The following MAGI2 variants were observed in gnomAD, a reference collection of about 807,000 sequenced individuals.
MAGI2 encodes the protein membrane associated guanylate kinase, WW and PDZ domain containing 2, also known as membrane-associated guanylate kinase, WW and PDZ domain-containing protein 2.
A neutral mutation model predicts 133.3 loss-of-function variants in MAGI2; 35 were observed. That is an observed-to-expected ratio of 0.26 (90% CI 0.20 to 0.35). The LOEUF is 0.35. Among genes scored for constraint, MAGI2 ranks in the 10% least tolerant of loss-of-function variants. The pLI is 1.00. For synonymous variants in MAGI2, 729 were observed against 710.6 expected, an observed-to-expected ratio of 1.03 and a Z score of -0.41; for missense variants, 1,636 against 1,863.4, an observed-to-expected ratio of 0.88 and a Z score of 2.25.
chr7:79,160,791 A>G (rs1459432574), intron 1 of MAGI2, among the ~76,000 whole-genome samples: 1 of 152,066 alleles, frequency 6.6e-6, no homozygotes, highest in Non-Finnish European at 1.5e-5. Flanking sequence ...TGCAAGCCAT[A>G]TCAGACAGGC....
At chr7:79,003,577 AG>A (rs1160409982) in intron 2 of MAGI2, among the ~76,000 whole-genome samples, 1 of 152,192 alleles carries the variant, frequency 6.6e-6, no homozygotes, top group East Asian at 1.9e-4. Context: ...TCTTTGACCA[AG>A]GAAAATGTGT....
chr7:78,056,751 CA>C (rs1232953723), intron 21 of MAGI2, among the ~76,000 whole-genome samples: 1 of 152,072 alleles, frequency 6.6e-6, no homozygotes, highest in African/African-American at 2.4e-5. Flanking sequence ...ATCTGTGCAG[CA>C]AACCACCATG....
rs148901873 is a variant in MAGI2, at chr7:79,237,476, A to G, written c.301+215544T>C. ...CCACTGAAAAAGTTTTATACACTCA[A>G]GTTAGACCATGCATGCATACACATG... On this transcript the variant is annotated intron_variant, in intron 1 of 21. Coordinates refer to ENST00000354212, the MANE Select transcript of MAGI2 (RefSeq NM_012301.4). Among the ~76,000 whole-genome samples the G allele has an allele frequency of 3.5e-4, 53 of 152,324 alleles. 1 individual carries two copies. Among genetic ancestry groups the G allele is most frequent in the South Asian group, 1.5e-3 (7 of 4,826 alleles).
At chr7:78,474,580 A>C (rs909592005) in intron 6 of MAGI2, among the ~76,000 whole-genome samples, 7 of 152,010 alleles carry the variant, frequency 4.6e-5, no homozygotes, top group African/African-American at 1.7e-4. Context: ...ATTTTAAATA[A>C]ACCTCAAACA....
At chr7:79,348,200 C>G (rs1841454651) in intron 1 of MAGI2, among the ~76,000 whole-genome samples, 1 of 151,814 alleles carries the variant, frequency 6.6e-6, no homozygotes, top group Admixed American at 6.6e-5. Context: ...TGCCCCAAAG[C>G]AAAATGCTGT....
intron 3 of MAGI2, among the ~76,000 whole-genome samples, chr7:78,621,884 A>T (rs1220905868): frequency 6.6e-6 from 1 of 152,058 alleles, no homozygotes; most frequent in African/African-American, 2.4e-5. Context: ...ATAAAAAGGC[A>T]CACATATAAA....
At chr7:78,160,579 TAGATATTGAGGTTCTTCTTTGCATA>T (rs1824873691) in intron 15 of MAGI2, among the ~76,000 whole-genome samples, 1 of 152,234 alleles carries the variant, frequency 6.6e-6, no homozygotes, top group Admixed American at 6.5e-5. Context: ...TGCCTAGTTT[TAGATATTGAGGTTCTTCTTTGCATA>T]AGAATAATTT....
At chr7:78,300,241 C>T (rs1048293825) in intron 9 of MAGI2, among the ~76,000 whole-genome samples, 2 of 152,030 alleles carry the variant, frequency 1.3e-5, no homozygotes, top group African/African-American at 2.4e-5. Context: ...AATGAAGAAT[C>T]GAAAATGTTA....
chr7:78,051,884 C>CTTTTTTTTTTT (rs59919639), intron 21 of MAGI2, among the ~76,000 whole-genome samples: 1 of 125,808 alleles, frequency 7.9e-6, no homozygotes, highest in Non-Finnish European at 1.6e-5. Flanking sequence ...CATACCCAGC[C>CTTTTTTTTTTT]TTTTTTTTTT....
chr7:78,269,773 G>C (rs1048941054), intron 9 of MAGI2, among the ~76,000 whole-genome samples: 4 of 152,136 alleles, frequency 2.6e-5, no homozygotes, highest in African/African-American at 7.2e-5. Context: ...CCTTTAATTA[G>C]ATCCCATTTG....
intron 2 of MAGI2, among the ~76,000 whole-genome samples, chr7:78,864,194 T>C (rs1405857302): frequency 6.6e-6 from 1 of 152,218 alleles, no homozygotes; most frequent in Non-Finnish European, 1.5e-5. Flanking sequence ...ATTAGCAAAA[T>C]ATTGCCTGGC....
At chr7:78,567,575 C>A (rs912777595) in intron 3 of MAGI2, among the ~76,000 whole-genome samples, 2 of 152,106 alleles carry the variant, frequency 1.3e-5, no homozygotes, top group African/African-American at 4.8e-5. Context: ...TAGCTTGCAC[C>A]TATATGTACA....
chr7:78,776,311 T>G (rs1042990106), intron 2 of MAGI2, among the ~76,000 whole-genome samples: 1 of 152,208 alleles, frequency 6.6e-6, no homozygotes, highest in African/African-American at 2.4e-5. Context: ...CATTCTAGTT[T>G]TACAGAGCTC....
intron 1 of MAGI2, among the ~76,000 whole-genome samples, chr7:79,231,849 A>G (rs1370732493): frequency 1.3e-5 from 2 of 151,896 alleles, no homozygotes; most frequent in East Asian, 1.9e-4. Flanking sequence ...GAGTGGTGAG[A>G]GAGGGCATCC....
At chr7:78,567,393 T>TAC (rs34795351) in intron 3 of MAGI2, among the ~76,000 whole-genome samples, 30,729 of 148,082 alleles carry the variant, frequency 0.21, 3,311 homozygotes, top group South Asian at 0.28. Context: ...GCCTACACAC[T>TAC]ACACACACAC....
At chr7:78,703,081 T>C (rs1266448651) in intron 2 of MAGI2, among the ~76,000 whole-genome samples, 1 of 151,792 alleles carries the variant, frequency 6.6e-6, no homozygotes, top group African/African-American at 2.4e-5. Flanking sequence ...ATGGCCAAAG[T>C]TAGAAAGAAA....
intron 1 of MAGI2, among the ~76,000 whole-genome samples, chr7:79,436,734 A>G (rs1848169903): frequency 6.6e-6 from 1 of 152,202 alleles, no homozygotes; most frequent in South Asian, 2.1e-4. Flanking sequence ...GGGAATATTC[A>G]TATACTGTTG....
intron 2 of MAGI2, among the ~76,000 whole-genome samples, chr7:78,957,532 T>C (rs1469814583): frequency 6.6e-6 from 1 of 152,128 alleles, no homozygotes; most frequent in Non-Finnish European, 1.5e-5. Context: ...TATATGTAAG[T>C]ACATACATAA....
intron 2 of MAGI2, among the ~76,000 whole-genome samples, chr7:78,888,781 A>C (rs1039181047): frequency 6.6e-6 from 1 of 152,160 alleles, no homozygotes; most frequent in Non-Finnish European, 1.5e-5. Flanking sequence ...GATGGGGAAA[A>C]AACAGAGCAG....
Sources: gnomAD v4.1 joint callset for allele counts (sites outside exome capture counted in the v4.1 genomes callset) on GRCh38, gnomAD v4.1.1 for gene constraint, MANE v1.5 for transcripts, NCBI Gene and HGNC (gene_info 2026-07-23, HGNC 2026-07-21) for gene names.